LONP2: variants seen among roughly 807,000 people sequenced by gnomAD.
LONP2 encodes lon protease homolog 2, peroxisomal.
A neutral mutation model predicts 85.6 loss-of-function variants in LONP2; 60 were observed. The observed-to-expected ratio is 0.70, with a 90% CI of 0.57 to 0.87. The LOEUF (loss-of-function observed/expected upper bound fraction) is 0.87. Among genes scored for constraint, LONP2 ranks in the 40% least tolerant of loss-of-function variants. The probability of loss-of-function intolerance (pLI) is 0.00; values close to 1 mark genes in which losing one functional copy is unlikely to be tolerated. For missense variants in LONP2, 860 were observed against 1,063.5 expected, an observed-to-expected ratio of 0.81 and a Z score of 2.66; for synonymous variants, 395 against 389.7, an observed-to-expected ratio of 1.01 and a Z score of -0.16.
intron 11 of LONP2, among the ~76,000 whole-genome samples, chr16:48,330,003 A>G (rs1224229278): frequency 6.6e-6 from 1 of 152,252 alleles, no homozygotes; most frequent in African/African-American, 2.4e-5. Flanking sequence ...GAGACTGTAA[A>G]TATTTGGAAG....
rs1371454025 is a variant in LONP2 at position 48,351,614 on chromosome 16, C to T, written c.2371C>T (p.His791Tyr). ...AATTAAAGACAAAGTGCTGGCGGCA[C>T]ACAGAGCGGGACTGAAGCAAGTCAT... ...GGIKDKVLAA[H>Y]RAGLKQVIIP... is the part of the protein sequence containing the mutation. Residue 791 changes from histidine to tyrosine, a missense_variant, in exon 15 of 15, where the codon CAC becomes TAC. Physicochemically the swap from His to Tyr is moderately conservative, Grantham distance 83 (BLOSUM62 2). Transcript: ENST00000285737. The T allele has an allele frequency of 1.2e-6, 2 of 1,614,006 alleles. No homozygotes were observed. Among genetic ancestry groups the T allele is most frequent in the Non-Finnish European group, 1.7e-6 (2 of 1,179,962 alleles).
chr16:48,348,340 AAATT>A lies in LONP2; in HGVS notation c.2337+54_2337+57del, dbSNP rs1365788227. The A allele has an allele frequency of 1.0e-5, 12 of 1,197,558 alleles. No individual in the cohort carries two copies. In the East Asian group the frequency reaches 1.9e-4, roughly 19 times the overall value. 74.2% of individuals were successfully genotyped at this position (1,197,558 alleles called of 1,614,324 possible). The stretch of plus-strand genomic sequence containing the variant: ...TGGTTATTTTTTATTTAATTTTTGA[AAATT>A]AATATTATTTTTAAATACGGGTTTG... On this transcript the variant is annotated intron_variant, in intron 14 of 14. Coordinates refer to ENST00000285737, the MANE Select transcript of LONP2 (RefSeq NM_031490.5).
chr16:48,301,804 C>G (rs1233491427), intron 10 of LONP2, among the ~76,000 whole-genome samples: 1 of 152,228 alleles, frequency 6.6e-6, no homozygotes, highest in Non-Finnish European at 1.5e-5. Context: ...CCTCCTTGTA[C>G]AGCCCTTCTG....
intron 8 of LONP2, among the ~76,000 whole-genome samples, chr16:48,291,753 C>T (rs1312056410): frequency 6.6e-6 from 1 of 152,206 alleles, no homozygotes; most frequent in Non-Finnish European, 1.5e-5. Context: ...TAATTTTCGT[C>T]CTTCCATGGA....
At chr16:48,341,537 G>T (rs1234869869) in intron 12 of LONP2, among the ~76,000 whole-genome samples, 1 of 152,084 alleles carries the variant, frequency 6.6e-6, no homozygotes, top group African/African-American at 2.4e-5. Context: ...AACCATTCAT[G>T]AGAAATTTCC....
chr16:48,308,532 CAGG>C (rs1272655356), intron 11 of LONP2, among the ~76,000 whole-genome samples: 1 of 150,178 alleles, frequency 6.7e-6, no homozygotes, highest in East Asian at 2.0e-4. Context: ...GAGGCTGAGA[CAGG>C]AGAATCACTT....
chr16:48,259,982 A>C (rs1971841157), intron 4 of LONP2, among the ~76,000 whole-genome samples: 1 of 152,208 alleles, frequency 6.6e-6, no homozygotes, highest in Non-Finnish European at 1.5e-5. Context: ...TAATATTTGG[A>C]GTTAACCTAA....
chr16:48,265,667 G>A (rs1567314013), intron 6 of LONP2, among the ~76,000 whole-genome samples: 1 of 152,116 alleles, frequency 6.6e-6, no homozygotes, highest in Non-Finnish European at 1.5e-5. Flanking sequence ...GTGCCTCCAC[G>A]TTTGTTCTTG....
rs188243308 is a variant in LONP2 at position 48,313,066 on chromosome 16, C to G, written c.1795+9761C>G. Among the ~76,000 whole-genome samples the G allele has an allele frequency of 5.1e-4, 78 of 152,302 alleles. No individual in the cohort carries two copies. The East Asian group carries it at 0.011, about 21-fold the overall frequency. ...ACTTTATCTTAGATAATCTTGGTAT[C>G]TGGTAGTGTAAGTCTTCCAGCTTTG... is the stretch of plus-strand genomic sequence containing the variant. On this transcript the variant is annotated intron_variant, in intron 11 of 14. Transcript: ENST00000285737.
chr16:48,345,285 AT>A (rs1352572420), intron 12 of LONP2: 1 of 152,250 alleles, frequency 6.6e-6, no homozygotes, highest in Non-Finnish European at 1.5e-5. Flanking sequence ...TTTTGGTATT[AT>A]TTTGACAAAT....
chr16:48,260,794 G>A (rs1424251543), intron 4 of LONP2, among the ~76,000 whole-genome samples: 1 of 152,236 alleles, frequency 6.6e-6, no homozygotes, highest in Non-Finnish European at 1.5e-5. Context: ...AATTTTGGCA[G>A]GATGGGAACA....
At chr16:48,323,730 T>G (rs925765344) in intron 11 of LONP2, among the ~76,000 whole-genome samples, 2 of 152,012 alleles carry the variant, frequency 1.3e-5, no homozygotes, top group Non-Finnish European at 2.9e-5. Flanking sequence ...TCAGTGGTTA[T>G]TATGTAGAAA....
At chr16:48,253,376 G>A (rs1308468389) in intron 2 of LONP2, among the ~76,000 whole-genome samples, 4 of 151,874 alleles carry the variant, frequency 2.6e-5, no homozygotes, top group Admixed American at 2.6e-4. Context: ...AGGCTGAGGT[G>A]GGAGGATTAC....
At chr16:48,315,815 CCTTT>C (rs1005736252) in intron 11 of LONP2, among the ~76,000 whole-genome samples, 7 of 151,560 alleles carry the variant, frequency 4.6e-5, no homozygotes, top group South Asian at 2.1e-4. Flanking sequence ...CTCTTATCCT[CCTTT>C]CTATTTTTTT....
intron 14 of LONP2, among the ~76,000 whole-genome samples, chr16:48,350,500 A>G (rs1392321640): frequency 1.3e-5 from 2 of 152,258 alleles, no homozygotes; most frequent in African/African-American, 2.4e-5. Flanking sequence ...CAAACATGCA[A>G]GGAATCAGTT....
At position 48,354,628 on chromosome 16, in the gene LONP2, C is replaced by T. The variant is rs1960269297; in HGVS notation, c.*2826C>T. 1 of 152,250 alleles carries T rather than the reference C, an allele frequency of 6.6e-6. No homozygotes were observed. Among genetic ancestry groups the T allele is most frequent in the Non-Finnish European group, 1.5e-5 (1 of 68,106 alleles). The allele number at this position is 152,250 out of a possible 1,614,324, so 9.4% of individuals were successfully genotyped here. A position where few individuals can be genotyped will look rare whatever the true frequency, so the allele number is the denominator to read the frequency against. Reference sequence around the variant, plus strand: ...TTCACTTTCTTTCTGAATTTCCCTTCATATGAGTGGGATCAAACAAGAGTT... The same window carrying T: ...TTCACTTTCTTTCTGAATTTCCCTTTATATGAGTGGGATCAAACAAGAGTT... On this transcript the variant is annotated 3_prime_UTR_variant, in exon 15 of 15. Coordinates refer to ENST00000285737, the MANE Select transcript of LONP2 (RefSeq NM_031490.5).
In LONP2 at chr16:48,244,347, T is replaced by C; in HGVS notation, c.-42T>C. On this transcript the variant is annotated 5_prime_UTR_variant, in exon 1 of 15. Coordinates refer to ENST00000285737, the MANE Select transcript of LONP2 (RefSeq NM_031490.5). ...GGGGCAGGCCGGGGGCAGCTGTCTG[T>C]CTGGCTCTTTTTGACAGCCCCCAGT... The C allele has an allele frequency of 1.4e-6, 2 of 1,430,488 alleles. No individual in the cohort carries two copies. Among genetic ancestry groups the C allele is most frequent in the Non-Finnish European group, 9.3e-7 (1 of 1,071,808 alleles). 88.6% of individuals were successfully genotyped at this position (1,430,488 alleles called of 1,614,324 possible).
intron 2 of LONP2, among the ~76,000 whole-genome samples, chr16:48,256,193 G>A (rs188863173): frequency 4.6e-5 from 7 of 152,310 alleles, no homozygotes; most frequent in Admixed American, 3.9e-4. Flanking sequence ...TTAATTATGT[G>A]TGAGTGTGGA....
rs1462441705 is a variant in LONP2 at position 48,352,480 on chromosome 16, A to G, written c.*678A>G. The stretch of plus-strand genomic sequence containing the variant: ...GCCAACGGCGAAACTCTGTCTCTAC[A>G]AAAAATATACAGGCGTGTTAGCATG... On this transcript the variant is annotated 3_prime_UTR_variant, in exon 15 of 15. Transcript: ENST00000285737. The G allele has an allele frequency of 1.3e-5, 2 of 152,166 alleles. No individual in the cohort carries two copies. The highest frequency in any genetic ancestry group is 4.8e-5 in the African/African-American group (2 of 41,430). 9.4% of individuals were successfully genotyped at this position (152,166 alleles called of 1,614,324 possible).
Sources: gnomAD v4.1 joint callset for allele counts (sites outside exome capture counted in the v4.1 genomes callset) on GRCh38, gnomAD v4.1.1 for gene constraint, MANE v1.5 for transcripts, NCBI Gene and HGNC (gene_info 2026-07-23, HGNC 2026-07-21) for gene names.